PDE8A: variants seen among roughly 807,000 people sequenced by gnomAD.
PDE8A encodes high affinity cAMP-specific and IBMX-insensitive 3',5'-cyclic phosphodiesterase 8A.
A neutral mutation model predicts 105.0 loss-of-function variants in PDE8A; 59 were observed. The ratio of observed to expected loss-of-function variants is 0.56; its 90% CI spans 0.46 to 0.70. The LOEUF is 0.70. PDE8A is among the 30% of genes least tolerant of loss of function. The probability of loss-of-function intolerance (pLI) is 0.00; values close to 1 mark genes in which losing one functional copy is unlikely to be tolerated. For synonymous variants in PDE8A, 355 were observed against 371.9 expected (o/e 0.95, Z 0.52); for missense variants, 1,014 against 1,045.9 (o/e 0.97, Z 0.42).
intron 1 of PDE8A, among the ~76,000 whole-genome samples, chr15:85,029,323 G>A (rs751449832): frequency 1.1e-4 from 16 of 151,426 alleles, no homozygotes; most frequent in Middle Eastern, 3.5e-3. Context: ...GGCTACCGTC[G>A]GAAACTTACA....
intron 1 of PDE8A, among the ~76,000 whole-genome samples, chr15:85,020,750 T>A (rs1290048379): frequency 6.6e-6 from 1 of 152,212 alleles, no homozygotes; most frequent in Non-Finnish European, 1.5e-5. Context: ...GGCTTCTATT[T>A]ATTGCCTGTA....
intron 1 of PDE8A, among the ~76,000 whole-genome samples, chr15:85,043,708 G>GT (rs200898662): frequency 1.3e-5 from 2 of 151,046 alleles, no homozygotes; most frequent in Non-Finnish European, 3.0e-5. Context: ...TTGTTTGTTT[G>GT]TTTTTTTGAG....
chr15:85,006,734 C>G (rs1170653791), intron 1 of PDE8A, among the ~76,000 whole-genome samples: 2 of 151,740 alleles, frequency 1.3e-5, no homozygotes, highest in South Asian at 4.2e-4. Flanking sequence ...TTTAAACTTA[C>G]CCCTGGTAAA....
rs758137376 is a variant in PDE8A, at chr15:85,083,544, T to C, written c.547-12T>C. On this transcript the variant is annotated splice_polypyrimidine_tract_variant and intron_variant, in intron 5 of 21. Coordinates refer to ENST00000394553, the MANE Select transcript of PDE8A (RefSeq NM_002605.3). Reference sequence around the variant, plus strand: ...TTTTGTTTATCCACAAAATTCCTCTTTCTGTTTGTAGAGGTATGTAGAAAA... The same window carrying C: ...TTTTGTTTATCCACAAAATTCCTCTCTCTGTTTGTAGAGGTATGTAGAAAA... The C allele has an allele frequency of 5.0e-5, 78 of 1,565,610 alleles. No individual in the cohort carries two copies. In the Middle Eastern group the frequency reaches 5.0e-4, roughly 10 times the overall value.
intron 5 of PDE8A, among the ~76,000 whole-genome samples, chr15:85,082,821 G>T (rs2081488582): frequency 6.6e-6 from 1 of 152,216 alleles, no homozygotes; most frequent in Admixed American, 6.5e-5. Context: ...GAACACAGTG[G>T]CTGCTAAGAT....
intron 1 of PDE8A, among the ~76,000 whole-genome samples, chr15:85,037,951 T>TG (rs1247279649): frequency 6.6e-6 from 1 of 152,230 alleles, no homozygotes; most frequent in Non-Finnish European, 1.5e-5. Flanking sequence ...AAATTGTAGA[T>TG]GCAAACACTT....
At chr15:85,128,583 C>G (rs958008903) in intron 20 of PDE8A, among the ~76,000 whole-genome samples, 4 of 152,120 alleles carry the variant, frequency 2.6e-5, no homozygotes, top group Admixed American at 2.0e-4. Flanking sequence ...ATTCAAAACA[C>G]AGCTAAGAAA....
At position 85,109,202 on chromosome 15, in the gene PDE8A, G is replaced by A. The variant is rs2081987156; in HGVS notation, c.1114+72G>A. On this transcript the variant is annotated intron_variant, in intron 12 of 21. Coordinates refer to ENST00000394553, the MANE Select transcript of PDE8A (RefSeq NM_002605.3). ...AACACATGGAGCCCTGCCCTGCCTTGCCCAGGCTCATCCTGTCTACCTCCA... is the reference window on the plus strand; with the variant it reads ...AACACATGGAGCCCTGCCCTGCCTTACCCAGGCTCATCCTGTCTACCTCCA... 5.9e-6 allele frequency: 6 copies of A among 1,015,342 alleles called. No homozygotes were observed. In the South Asian group the frequency reaches 8.7e-5, roughly 15 times the overall value. The allele number at this position is 1,015,342 out of a possible 1,614,324, so 62.9% of individuals were successfully genotyped here. A position where few individuals can be genotyped will look rare whatever the true frequency, so the allele number is the denominator to read the frequency against.
chr15:85,030,480 C>T (rs994931718), intron 1 of PDE8A, among the ~76,000 whole-genome samples: 3 of 152,078 alleles, frequency 2.0e-5, no homozygotes, highest in Admixed American at 2.0e-4. Flanking sequence ...AACCTGAGAG[C>T]TATTGGTGTC....
intron 2 of PDE8A, among the ~76,000 whole-genome samples, chr15:85,066,577 C>T (rs1223630496): frequency 7.2e-6 from 1 of 139,792 alleles, no homozygotes; most frequent in African/African-American, 2.7e-5. Context: ...CCCACCATCC[C>T]CCCAAAACAC....
chr15:85,052,026 A>T (rs1158629531), intron 1 of PDE8A, among the ~76,000 whole-genome samples: 5 of 149,624 alleles, frequency 3.3e-5, no homozygotes, highest in Middle Eastern at 3.3e-3. Flanking sequence ...CCTGTGTCCA[A>T]GTGTTCTCAT....
At chr15:85,109,801 C>G (rs949606687) in intron 12 of PDE8A, among the ~76,000 whole-genome samples, 2 of 152,216 alleles carry the variant, frequency 1.3e-5, no homozygotes, top group African/African-American at 4.8e-5. Flanking sequence ...CCTCTCATCC[C>G]TCACAGATTT....
chr15:85,095,102 A>C (rs1010997622), intron 8 of PDE8A, among the ~76,000 whole-genome samples: 2 of 152,138 alleles, frequency 1.3e-5, no homozygotes, highest in Non-Finnish European at 2.9e-5. Context: ...GAGGGACTGC[A>C]TCAATAGCTT....
intron 1 of PDE8A, among the ~76,000 whole-genome samples, chr15:84,994,716 C>T (rs1391360022): frequency 6.6e-6 from 1 of 152,108 alleles, no homozygotes; most frequent in Non-Finnish European, 1.5e-5. Flanking sequence ...CCTGTAATCC[C>T]AGCACTTTGG....
In PDE8A at chr15:85,080,832, A is replaced by G. The variant is rs575630175; in HGVS notation, c.547-2724A>G. Among the ~76,000 whole-genome samples the G allele has an allele frequency of 4.5e-4, 68 of 152,344 alleles. No homozygotes were observed. In the South Asian group the frequency reaches 0.01, roughly 23 times the overall value. On this transcript the variant is annotated intron_variant, in intron 5 of 21. Coordinates refer to ENST00000394553, the MANE Select transcript of PDE8A (RefSeq NM_002605.3). Reference sequence around the variant, plus strand: ...ATCAAGGAACCCCCTGAAGACTTCAATGGAACCACTTTTAGGTGCACGCCC... The same window carrying G: ...ATCAAGGAACCCCCTGAAGACTTCAGTGGAACCACTTTTAGGTGCACGCCC...
rs117396331 is a variant in PDE8A at position 85,070,834 on chromosome 15, A to T, written c.434+3630A>T. ...AAGTGTTGAGCAGGATAGAAAAATA[A>T]CTTGGCTGCCAAGTGGAGAATGGAG... On this transcript the variant is annotated intron_variant, in intron 3 of 21. Coordinates refer to ENST00000394553, the MANE Select transcript of PDE8A (RefSeq NM_002605.3). 7.2e-5 allele frequency among the ~76,000 whole-genome samples: 11 copies of T among 152,306 alleles called. No individual in the cohort carries two copies. In the East Asian group the frequency reaches 2.1e-3, roughly 29 times the overall value.
intron 1 of PDE8A, among the ~76,000 whole-genome samples, chr15:85,061,510 G>C (rs1389095606): frequency 6.6e-6 from 1 of 152,166 alleles, no homozygotes; most frequent in Non-Finnish European, 1.5e-5. Context: ...AAAGTGCTGG[G>C]ATTACAGGCG....
At chr15:85,043,610 C>T (rs553958384) in intron 1 of PDE8A, among the ~76,000 whole-genome samples, 16 of 152,250 alleles carry the variant, frequency 1.1e-4, no homozygotes, top group African/African-American at 3.1e-4. Context: ...GTATTTAATA[C>T]GTTAATACGA....
intron 3 of PDE8A, among the ~76,000 whole-genome samples, chr15:85,069,188 C>G (rs1476556859): frequency 6.6e-6 from 1 of 152,120 alleles, no homozygotes; most frequent in Admixed American, 6.5e-5. Flanking sequence ...AGAGTTCTTT[C>G]GTCATGTAAA....
Sources: gnomAD v4.1 joint callset for allele counts (sites outside exome capture counted in the v4.1 genomes callset) on GRCh38, gnomAD v4.1.1 for gene constraint, MANE v1.5 for transcripts, NCBI Gene and HGNC (gene_info 2026-07-23, HGNC 2026-07-21) for gene names.